PACRG: variants seen among roughly 807,000 people sequenced by gnomAD.
The protein encoded by PACRG is parkin coregulated, also known as parkin coregulated gene protein.
PACRG carries 29 observed loss-of-function variants against 29.7 expected under a neutral mutation model. That is an observed-to-expected ratio of 0.98 (90% confidence interval 0.73 to 1.33). PACRG has a LOEUF of 1.33. PACRG is among the 40% of genes most tolerant of loss of function. The probability of loss-of-function intolerance (pLI) is 0.00; values close to 1 mark genes in which losing one functional copy is unlikely to be tolerated. For synonymous variants in PACRG, 116 were observed against 118.7 expected (o/e 0.98, Z 0.15); for missense variants, 279 against 316.2 (o/e 0.88, Z 0.89).
chr6:163,140,936 G>C (rs1302854210), intron 4 of PACRG, among the ~76,000 whole-genome samples: 1 of 152,198 alleles, frequency 6.6e-6, no homozygotes, highest in African/African-American at 2.4e-5. Flanking sequence ...ATCATGATGG[G>C]AGAGACGAAT....
intron 4 of PACRG, among the ~76,000 whole-genome samples, chr6:163,121,511 C>G (rs572487776): frequency 6.6e-6 from 1 of 152,098 alleles, no homozygotes; most frequent in African/African-American, 2.4e-5. Flanking sequence ...CACTTCCAGC[C>G]GATCCAGGAC....
intron 2 of PACRG, among the ~76,000 whole-genome samples, chr6:162,884,487 T>C (rs558239718): frequency 6.6e-6 from 1 of 152,288 alleles, no homozygotes; most frequent in South Asian, 2.1e-4. Context: ...TTGGGTAAAA[T>C]GTTAACAGTA....
At chr6:163,065,327 G>T (rs551966170) in intron 3 of PACRG, among the ~76,000 whole-genome samples, 1 of 152,260 alleles carries the variant, frequency 6.6e-6, no homozygotes, top group South Asian at 2.1e-4. Flanking sequence ...CCTCTTACTT[G>T]TCTGGATCGG....
At chr6:163,048,390 G>T in intron 2 of PACRG, among the ~76,000 whole-genome samples, 1 of 152,074 alleles carries the variant, frequency 6.6e-6, no homozygotes, top group Non-Finnish European at 1.5e-5. Flanking sequence ...TATCTTATTT[G>T]TCTTCCTTTA....
intron 1 of PACRG, among the ~76,000 whole-genome samples, chr6:162,785,803 C>T (rs1277621153): frequency 7.9e-5 from 12 of 152,174 alleles, no homozygotes; most frequent in Admixed American, 7.9e-4. Context: ...CTATGCGGCC[C>T]AGTTCCTAGC....
At chr6:163,246,117 C>G (rs1782688887) in intron 4 of PACRG, among the ~76,000 whole-genome samples, 1 of 152,188 alleles carries the variant, frequency 6.6e-6, no homozygotes, top group South Asian at 2.1e-4. Context: ...TTTTGTCACT[C>G]CCTTGCTTAA....
At chr6:163,014,653 T>C (rs1562832154) in intron 2 of PACRG, among the ~76,000 whole-genome samples, 1 of 152,206 alleles carries the variant, frequency 6.6e-6, no homozygotes, top group Non-Finnish European at 1.5e-5. Flanking sequence ...GTGTATCTTC[T>C]TTTGAGAAGT....
intron 4 of PACRG, among the ~76,000 whole-genome samples, chr6:163,284,501 C>T (rs780632681): frequency 6.4e-4 from 97 of 152,326 alleles, no homozygotes; most frequent in Admixed American, 2.4e-3. Context: ...TAGAAAATTG[C>T]TCATTAAAGC....
intron 2 of PACRG, among the ~76,000 whole-genome samples, chr6:162,879,118 C>T (rs1386636104): frequency 6.6e-6 from 1 of 152,040 alleles, no homozygotes; most frequent in African/African-American, 2.4e-5. Context: ...AAAAATTAAC[C>T]CCCCATGTAA....
rs1236541216 is a variant in PACRG, at chr6:162,777,601, G to A, written c.157-36546G>A. On this transcript the variant is annotated intron_variant, in intron 1 of 4. Transcript: ENST00000366888. The surrounding 1 kb of genome is among the most constrained non-coding windows in gnomAD (Gnocchi z 4.0). Reference sequence around the variant, plus strand: ...CACAGCCTCCTATCCTCAAGTTCTAGGTAAAATTGCCAAAGTAGACTCCTT... The same window carrying A: ...CACAGCCTCCTATCCTCAAGTTCTAAGTAAAATTGCCAAAGTAGACTCCTT... Among the ~76,000 whole-genome samples the A allele has an allele frequency of 1.3e-5, 2 of 151,942 alleles. No homozygotes were observed. The highest frequency in any genetic ancestry group is 1.3e-4 in the Admixed American group (2 of 15,262).
At chr6:162,926,795 A>G (rs1797472228) in intron 2 of PACRG, among the ~76,000 whole-genome samples, 1 of 152,206 alleles carries the variant, frequency 6.6e-6, no homozygotes, top group South Asian at 2.1e-4. Context: ...AAAAGCAAAA[A>G]TTAGCAAATG....
chr6:163,213,835 T>G (rs1255890351), intron 4 of PACRG, among the ~76,000 whole-genome samples: 1 of 152,228 alleles, frequency 6.6e-6, no homozygotes, highest in East Asian at 1.9e-4. Flanking sequence ...TTTTTACATT[T>G]TAATTATTTG....
At chr6:162,967,422 A>G (rs1801133615) in intron 2 of PACRG, among the ~76,000 whole-genome samples, 3 of 152,264 alleles carry the variant, frequency 2.0e-5, no homozygotes, top group South Asian at 4.1e-4. Flanking sequence ...TATGAAATCT[A>G]TGTCACATCT....
At chr6:163,194,536 C>A (rs1056322896) in intron 4 of PACRG, among the ~76,000 whole-genome samples, 1 of 152,158 alleles carries the variant, frequency 6.6e-6, no homozygotes, top group African/African-American at 2.4e-5. Context: ...CACCTGCCAT[C>A]AAGCACAGAA....
At chr6:162,766,092 CT>C (rs1782768364) in intron 1 of PACRG, among the ~76,000 whole-genome samples, 1 of 152,138 alleles carries the variant, frequency 6.6e-6, no homozygotes, top group Non-Finnish European at 1.5e-5. Context: ...AAAATTCTCT[CT>C]TTAGCTATTT....
At chr6:163,219,640 G>A (rs150025898) in intron 4 of PACRG, among the ~76,000 whole-genome samples, 1 of 142,488 alleles carries the variant, frequency 7.0e-6, no homozygotes, top group African/African-American at 2.9e-5. Flanking sequence ...GCCTCCTCCT[G>A]CAGCTCAGCC....
At chr6:162,884,894 A>G (rs1202488297) in intron 2 of PACRG, among the ~76,000 whole-genome samples, 1 of 152,214 alleles carries the variant, frequency 6.6e-6, no homozygotes, top group Non-Finnish European at 1.5e-5. Flanking sequence ...ATCTATTAGC[A>G]TAATATGAAC....
chr6:163,133,400 A>ATCT (rs1165992751), intron 4 of PACRG, among the ~76,000 whole-genome samples: 1,849 of 152,298 alleles, frequency 0.012, 31 homozygotes, highest in African/African-American at 0.041. Flanking sequence ...TTATCATGGA[A>ATCT]GAGAAGAATA....
intron 2 of PACRG, among the ~76,000 whole-genome samples, chr6:162,889,162 TTGGGC>T (rs1324941590): frequency 1.3e-5 from 2 of 152,200 alleles, no homozygotes; most frequent in Non-Finnish European, 1.5e-5. Context: ...GATGCATATT[TTGGGC>T]TGTTATTCAT....
Sources: allele counts gnomAD v4.1 joint callset (sites outside exome capture counted in the v4.1 genomes callset), GRCh38; gene constraint gnomAD v4.1.1; non-coding constraint Gnocchi (gnomAD v3.1); transcripts MANE v1.5; gene names NCBI Gene and HGNC (gene_info 2026-07-23, HGNC 2026-07-21).